The following AGAP1 variants were observed in gnomAD, a reference collection of about 807,000 sequenced individuals.
AGAP1 encodes the protein ArfGAP with GTPase domain, ankyrin repeat and PH domain 1.
AGAP1 carries 29 observed loss-of-function variants against 105.3 expected under a neutral mutation model. The observed-to-expected ratio is 0.28, with a 90% CI of 0.21 to 0.38. The LOEUF (loss-of-function observed/expected upper bound fraction) is 0.38. AGAP1 is among the 10% of genes least tolerant of loss of function. The pLI, the probability that AGAP1 is intolerant of heterozygous loss-of-function variation, is 1.00. For missense variants in AGAP1, 998 were observed against 1,165.1 expected (o/e 0.86, Z 2.09); for synonymous variants, 509 against 485.9 (o/e 1.05, Z -0.63).
chr2:235,952,222 G>A (rs539974702), intron 12 of AGAP1, among the ~76,000 whole-genome samples: 19 of 152,202 alleles, frequency 1.2e-4, no homozygotes, highest in Non-Finnish European at 2.1e-4. Flanking sequence ...GAGGTGAACC[G>A]CAGCCTCAGA....
At chr2:235,898,489 C>T (rs866501357) in intron 10 of AGAP1, among the ~76,000 whole-genome samples, 2,935 of 135,366 alleles carry the variant, frequency 0.022, 90 homozygotes, top group African/African-American at 0.076. Flanking sequence ...CCCACCCCCA[C>T]CCCCGCCTGT....
Position 235,750,337 on chromosome 2 carries a change from T to C in AGAP1, c.539-17T>C, listed in dbSNP as rs1953327061. The stretch of plus-strand genomic sequence containing the variant: ...GTCATTGTCACTGTGCCGTTACTTT[T>C]TGGTCTTCTGTTCCAGATGCCATAA... On this transcript the variant is annotated splice_polypyrimidine_tract_variant and intron_variant, in intron 5 of 17. Coordinates refer to ENST00000304032, the MANE Select transcript of AGAP1 (RefSeq NM_001037131.3). The surrounding 1 kb of genome is among the most constrained non-coding windows in gnomAD (Gnocchi z 5.3). 1.2e-6 allele frequency: 2 copies of C among 1,614,036 alleles called. 1 individual carries two copies. Among genetic ancestry groups the C allele is most frequent in the South Asian group, 2.2e-5 (2 of 91,080 alleles).
chr2:235,955,917 A>G (rs575974317), intron 12 of AGAP1, among the ~76,000 whole-genome samples: 2 of 152,262 alleles, frequency 1.3e-5, no homozygotes, highest in South Asian at 4.2e-4. Context: ...CCCCACTCAG[A>G]TAGGACACTT....
rs1288555925 is a variant in AGAP1, at chr2:235,705,284, A to G, written c.164-3895A>G. Among the ~76,000 whole-genome samples the G allele has an allele frequency of 6.6e-6, 1 of 152,136 alleles. No individual in the cohort carries two copies. Among genetic ancestry groups the G allele is most frequent in the African/African-American group, 2.4e-5 (1 of 41,428 alleles). ...GTGAGCCACCACGCCTGGCCCAGAC[A>G]CTTCTGAGAACGAGCTACATCCTCT... is the stretch of plus-strand genomic sequence containing the variant. On this transcript the variant is annotated intron_variant, in intron 1 of 17. Coordinates refer to ENST00000304032, the MANE Select transcript of AGAP1 (RefSeq NM_001037131.3). The surrounding 1 kb of genome is among the most constrained non-coding windows in gnomAD (Gnocchi z 4.9).
At chr2:235,849,870 T>G (rs958138478) in intron 9 of AGAP1, among the ~76,000 whole-genome samples, 11 of 152,242 alleles carry the variant, frequency 7.2e-5, no homozygotes, top group Non-Finnish European at 1.3e-4. Context: ...CTCACACATG[T>G]GTGGAACAAG....
intron 1 of AGAP1, among the ~76,000 whole-genome samples, chr2:235,531,073 T>G (rs1245237953): frequency 2.6e-5 from 4 of 152,192 alleles, no homozygotes; most frequent in Non-Finnish European, 4.4e-5. Flanking sequence ...GAATAAAGAT[T>G]TAGGGTATTT....
At chr2:235,853,097 C>T in intron 9 of AGAP1, 1 of 1,227,880 alleles carries the variant, frequency 8.1e-7, no homozygotes, top group East Asian at 3.2e-5. Flanking sequence ...CGTTTACGCT[C>T]TTTCTTTGAG....
intron 12 of AGAP1, among the ~76,000 whole-genome samples, chr2:235,948,920 A>G (rs1482392940): frequency 2.0e-5 from 3 of 152,262 alleles, no homozygotes; most frequent in African/African-American, 7.2e-5. Flanking sequence ...TAAAGCAGAC[A>G]GCATTCCAGT....
chr2:235,806,228 C>T lies in AGAP1; in HGVS notation c.958-1011C>T, dbSNP rs150732198. Among the ~76,000 whole-genome samples the T allele has an allele frequency of 7.1e-4, 108 of 152,270 alleles. 2 individuals carry two copies. In the East Asian group the frequency reaches 0.02, roughly 29 times the overall value. On this transcript the variant is annotated intron_variant, in intron 8 of 17. Transcript: ENST00000304032. The stretch of plus-strand genomic sequence containing the variant: ...AAAGTCTGTTCATTTCATATATCAT[C>T]TCAGATTTGAAAAGCACGTGAAAAT...
At position 235,577,970 on chromosome 2, in the gene AGAP1, T is replaced by C. The variant is rs1944791980; in HGVS notation, c.163+83121T>C. ...GGGAGCAGTGTCTGCACAGGGGGTC[T>C]GGATCGCACCCGACACCATCCAGGT... is the stretch of plus-strand genomic sequence containing the variant. On this transcript the variant is annotated intron_variant, in intron 1 of 17. Transcript: ENST00000304032. This position sits in a 1 kb window ranked among gnomAD's most constrained non-coding sequence, Gnocchi z 4.5. Among the ~76,000 whole-genome samples the C allele has an allele frequency of 6.6e-6, 1 of 152,088 alleles. No homozygotes were observed. Among genetic ancestry groups the C allele is most frequent in the South Asian group, 2.1e-4 (1 of 4,818 alleles).
In AGAP1 at chr2:235,889,178, A is replaced by G. The variant is rs2050406798; in HGVS notation, c.1155+5729A>G. ...AATAAACCCAGCTCTTGGCCAAACA[A>G]ACAGTCGGTATGTGGCCGTGCTGTG... On this transcript the variant is annotated intron_variant, in intron 10 of 17. Coordinates refer to ENST00000304032, the MANE Select transcript of AGAP1 (RefSeq NM_001037131.3). The surrounding 1 kb of genome is among the most constrained non-coding windows in gnomAD (Gnocchi z 4.6). Among the ~76,000 whole-genome samples the G allele has an allele frequency of 6.6e-6, 1 of 152,148 alleles. No homozygotes were observed. The highest frequency in any genetic ancestry group is 2.4e-5 in the African/African-American group (1 of 41,434).
Position 235,877,673 on chromosome 2 carries a change from G to A in AGAP1, c.1051-5672G>A, listed in dbSNP as rs1198133220. ...GTGGTTTTGGATCACTTTTTAGATAGTGATTAAAATACACTCAAAAATTTA... is the reference window on the plus strand; with the variant it reads ...GTGGTTTTGGATCACTTTTTAGATAATGATTAAAATACACTCAAAAATTTA... On this transcript the variant is annotated intron_variant, in intron 9 of 17. Coordinates refer to ENST00000304032, the MANE Select transcript of AGAP1 (RefSeq NM_001037131.3). This position sits in a 1 kb window ranked among gnomAD's most constrained non-coding sequence, Gnocchi z 4.3. Among the ~76,000 whole-genome samples the A allele has an allele frequency of 6.6e-6, 1 of 152,154 alleles. No individual in the cohort carries two copies. The highest frequency in any genetic ancestry group is 1.5e-5 in the Non-Finnish European group (1 of 68,012).
At chr2:235,821,534 T>C (rs1245311461) in intron 9 of AGAP1, among the ~76,000 whole-genome samples, 1 of 152,082 alleles carries the variant, frequency 6.6e-6, no homozygotes, top group South Asian at 2.1e-4. Flanking sequence ...CAGGGAACTT[T>C]AAAAATTTTA....
In AGAP1 at chr2:235,821,382, A is replaced by ATTTTTTTTTTT. The variant is rs200107062; in HGVS notation, c.1050+14060_1050+14070dup. Among the ~76,000 whole-genome samples the ATTTTTTTTTTT allele has an allele frequency of 8.0e-4, 107 of 133,794 alleles. No individual in the cohort carries two copies. The East Asian group carries it at 0.011, about 14-fold the overall frequency. 87.8% of individuals were successfully genotyped at this position (133,794 alleles called of 152,430 possible). A position where few individuals can be genotyped will look rare whatever the true frequency, so the allele number is the denominator to read the frequency against. On this transcript the variant is annotated intron_variant, in intron 9 of 17. Transcript: ENST00000304032. The stretch of plus-strand genomic sequence containing the variant: ...GGGGTAGGTTTAAAGCAGAACTTCA[A>ATTTTTTTTTTT]TTTTTTTTTTTTTTTTTTTGAGACG...
rs1222782609 is a variant in AGAP1, at chr2:235,962,020, T to C, written c.1484-6442T>C. Reference sequence around the variant, plus strand: ...GGGCAGGGCGGGGTGGAGGGTGTCCTCTTCTGATGGATGCTTTTGGTTTTT... The same window carrying C: ...GGGCAGGGCGGGGTGGAGGGTGTCCCCTTCTGATGGATGCTTTTGGTTTTT... On this transcript the variant is annotated intron_variant, in intron 12 of 17. Coordinates refer to ENST00000304032, the MANE Select transcript of AGAP1 (RefSeq NM_001037131.3). The surrounding 1 kb of genome is among the most constrained non-coding windows in gnomAD (Gnocchi z 5.3). Among the ~76,000 whole-genome samples the C allele has an allele frequency of 6.6e-6, 1 of 151,978 alleles. No homozygotes were observed. Among genetic ancestry groups the C allele is most frequent in the Non-Finnish European group, 1.5e-5 (1 of 68,018 alleles).
chr2:235,667,764 G>C (rs1314874352), intron 1 of AGAP1, among the ~76,000 whole-genome samples: 1 of 152,002 alleles, frequency 6.6e-6, no homozygotes, highest in Non-Finnish European at 1.5e-5. Flanking sequence ...TTCGAGACCA[G>C]CATGACCAAC....
chr2:235,600,719 C>T lies in AGAP1; in HGVS notation c.163+105870C>T, dbSNP rs1047374732. On this transcript the variant is annotated intron_variant, in intron 1 of 17. Transcript: ENST00000304032. The surrounding 1 kb of genome is among the most constrained non-coding windows in gnomAD (Gnocchi z 4.8). ...AGTCTTGCCTGTTCATGTTTTTCTG[C>T]CTGCTTTATATTTGCTGGCAGCTGA... Among the ~76,000 whole-genome samples, 11 of 152,250 alleles carry T rather than the reference C, an allele frequency of 7.2e-5. No individual in the cohort carries two copies. The highest frequency in any genetic ancestry group is 5.2e-4 in the Admixed American group (8 of 15,292).
intron 1 of AGAP1, among the ~76,000 whole-genome samples, chr2:235,520,851 T>C (rs538536474): frequency 6.6e-6 from 1 of 152,316 alleles, no homozygotes; most frequent in East Asian, 1.9e-4. Context: ...TAAATGTACA[T>C]GGTGCATTGC....
Position 235,774,330 on chromosome 2 carries a change from A to G in AGAP1, c.674-23429A>G, listed in dbSNP as rs371883857. ...GTCGCCAGCCCAGGGCTGGGAAGAT[A>G]GAGGTGCTGCTGCAGAGGGAGTTCC... On this transcript the variant is annotated intron_variant, in intron 6 of 17. Transcript: ENST00000304032. The G allele has an allele frequency of 5.7e-5, 27 of 470,286 alleles. No homozygotes were observed. The East Asian group carries it at 9.0e-4, about 16-fold the overall frequency. The allele number at this position is 470,286 out of a possible 1,614,324, so 29.1% of individuals were successfully genotyped here.
Sources: allele counts gnomAD v4.1 joint callset (sites outside exome capture counted in the v4.1 genomes callset), GRCh38; gene constraint gnomAD v4.1.1; non-coding constraint Gnocchi (gnomAD v3.1); transcripts MANE v1.5; gene names NCBI Gene and HGNC (gene_info 2026-07-23, HGNC 2026-07-21).